Variants in TENM3 observed in about 807,000 individuals in gnomAD.
TENM3 encodes teneurin-3.
A neutral mutation model predicts 255.1 loss-of-function variants in TENM3; 63 were observed. The ratio of observed to expected loss-of-function variants is 0.25; its 90% confidence interval spans 0.20 to 0.30. The LOEUF is 0.30. Among genes scored for constraint, TENM3 ranks in the 10% least tolerant of loss-of-function variants. TENM3 has a pLI of 1.00. For missense variants in TENM3, 2,929 were observed against 3,461.1 expected, an observed-to-expected ratio of 0.85 and a Z score of 3.86; for synonymous variants, 1,306 against 1,322.3, an observed-to-expected ratio of 0.99 and a Z score of 0.27.
chr4:181,707,139 C>T, the TENM3 span, among the ~76,000 whole-genome samples: 1 of 152,158 alleles, frequency 6.6e-6, no homozygotes, highest in Non-Finnish European at 1.5e-5. Context: ...AGGGGACTTG[C>T]ATTTTTCTAC....
chr4:181,606,641 G>A, the TENM3 span, among the ~76,000 whole-genome samples: 4 of 152,114 alleles, frequency 2.6e-5, no homozygotes, highest in African/African-American at 9.6e-5. Context: ...CATTTCCTCT[G>A]CTCTTGTTGT....
the TENM3 span, among the ~76,000 whole-genome samples, chr4:181,463,045 C>A: frequency 6.6e-6 from 1 of 152,310 alleles, no homozygotes; most frequent in African/African-American, 2.4e-5. Context: ...GTATTCAAGA[C>A]CATTGGTAAC....
At chr4:181,717,798 A>T in the TENM3 span, among the ~76,000 whole-genome samples, 2 of 152,292 alleles carry the variant, frequency 1.3e-5, no homozygotes, top group South Asian at 4.1e-4. Flanking sequence ...TGGCACAAAA[A>T]CCAATTCAAT....
At chr4:182,523,163 T>G (rs1738761723) in intron 3 of TENM3, among the ~76,000 whole-genome samples, 1 of 151,988 alleles carries the variant, frequency 6.6e-6, no homozygotes, top group Admixed American at 6.6e-5. Flanking sequence ...TGTTTTTTGT[T>G]TTTGTGTGTG....
chr4:182,743,530 T>A, intron 19 of TENM3, 111 bp downstream of exon 19: 3 of 1,224,032 alleles, frequency 2.5e-6, no homozygotes, highest in Non-Finnish European at 3.4e-6. Flanking sequence ...TCCTAAGGTT[T>A]AAAATTTCCC....
At chr4:182,724,466 G>A (rs555958857) in intron 13 of TENM3, among the ~76,000 whole-genome samples, 109 of 152,350 alleles carry the variant, frequency 7.2e-4, no homozygotes, top group Middle Eastern at 3.4e-3. Context: ...CTCTGCAGAA[G>A]AATAACAAAC....
At position 182,410,161 on chromosome 4, in the gene TENM3, C is replaced by T. The variant is rs541726484; in HGVS notation, c.511+63232C>T. On this transcript the variant is annotated intron_variant, in intron 3 of 27. Transcript: ENST00000511685. ...TATAATTTTCAGTGTGCAGGGATCACGTTCTTCTATTTTAAATCCCTGCTA... is the reference window on the plus strand; with the variant it reads ...TATAATTTTCAGTGTGCAGGGATCATGTTCTTCTATTTTAAATCCCTGCTA... Among the ~76,000 whole-genome samples the T allele has an allele frequency of 2.0e-4, 30 of 152,304 alleles. No homozygotes were observed. In the South Asian group the frequency reaches 5.6e-3, roughly 28 times the overall value.
chr4:181,952,157 C>T, the TENM3 span, among the ~76,000 whole-genome samples: 4 of 152,192 alleles, frequency 2.6e-5, no homozygotes, highest in African/African-American at 9.6e-5. Context: ...AATACTTTTA[C>T]ATTGTTATAA....
At chr4:182,138,540 C>CA in the TENM3 span, among the ~76,000 whole-genome samples, 1 of 152,182 alleles carries the variant, frequency 6.6e-6, no homozygotes, top group Non-Finnish European at 1.5e-5. Context: ...CAGGAACAAA[C>CA]AAAGATTGTT....
chr4:181,801,550 A>G, the TENM3 span, among the ~76,000 whole-genome samples: 4 of 151,670 alleles, frequency 2.6e-5, no homozygotes, highest in Non-Finnish European at 5.9e-5. Context: ...ATTCATATCT[A>G]TAAGCATTCG....
At chr4:181,903,062 G>A in the TENM3 span, among the ~76,000 whole-genome samples, 1 of 152,200 alleles carries the variant, frequency 6.6e-6, no homozygotes, top group South Asian at 2.1e-4. Flanking sequence ...CTTTATCCAT[G>A]AGTGGTTTCC....
intron 12 of TENM3, among the ~76,000 whole-genome samples, chr4:182,695,495 C>A (rs1757333075): frequency 6.6e-6 from 1 of 152,120 alleles, no homozygotes; most frequent in Non-Finnish European, 1.5e-5. Context: ...AGAATTTGAT[C>A]TGGGGGTACA....
upstream of TENM3, among the ~76,000 whole-genome samples, chr4:182,140,161 AGTTTTAGTGTTGTTCACT>A (rs1354989142): frequency 1.3e-5 from 2 of 152,184 alleles, no homozygotes; most frequent in Non-Finnish European, 2.9e-5. Flanking sequence ...GTAAAATTTA[AGTTTTAGTGTTGTTCACT>A]GTTGCAGATT....
At chr4:181,645,378 G>T in the TENM3 span, among the ~76,000 whole-genome samples, 1 of 152,160 alleles carries the variant, frequency 6.6e-6, no homozygotes, top group African/African-American at 2.4e-5. Flanking sequence ...CCTGGGCAGG[G>T]GTCCTGGGAA....
At chr4:182,313,398 T>G (rs1271120609) in intron 1 of TENM3, among the ~76,000 whole-genome samples, 1 of 152,020 alleles carries the variant, frequency 6.6e-6, no homozygotes, top group Non-Finnish European at 1.5e-5. Context: ...ATAAGTTTTC[T>G]GTTCATTATA....
At chr4:182,711,516 G>A in intron 12 of TENM3, 1 of 826,668 alleles carries the variant, frequency 1.2e-6, no homozygotes. Flanking sequence ...AAATTTTCTT[G>A]TCCCATGTGA....
At chr4:182,062,642 CT>C in the TENM3 span, among the ~76,000 whole-genome samples, 1 of 152,304 alleles carries the variant, frequency 6.6e-6, no homozygotes, top group South Asian at 2.1e-4. Flanking sequence ...AACTATTTGT[CT>C]GTCATAGAGA....
the TENM3 span, among the ~76,000 whole-genome samples, chr4:181,902,933 A>G: frequency 1.3e-5 from 2 of 152,210 alleles, no homozygotes. Context: ...CATTCGTTGT[A>G]GAATATTTAA....
chr4:181,928,980 G>A, the TENM3 span, among the ~76,000 whole-genome samples: 8 of 152,170 alleles, frequency 5.3e-5, no homozygotes, highest in African/African-American at 1.9e-4. Context: ...AGCAAATGCT[G>A]AGAGATTTTG....
Sources: allele counts gnomAD v4.1 joint callset (sites outside exome capture counted in the v4.1 genomes callset), GRCh38; gene constraint gnomAD v4.1.1; transcripts MANE v1.5; gene names NCBI Gene and HGNC (gene_info 2026-07-23, HGNC 2026-07-21).